The following TENM3 variants were observed in gnomAD, a reference collection of about 807,000 sequenced individuals.
The protein encoded by TENM3 is teneurin-3.
A neutral mutation model predicts 255.1 loss-of-function variants in TENM3; 63 were observed. The observed-to-expected ratio is 0.25, with a 90% CI of 0.20 to 0.30. The LOEUF (loss-of-function observed/expected upper bound fraction) is 0.30. TENM3 is among the 10% of genes least tolerant of loss of function. TENM3 has a pLI of 1.00. For synonymous variants in TENM3, 1,306 were observed against 1,322.3 expected, an observed-to-expected ratio of 0.99 and a Z score of 0.27; for missense variants, 2,929 against 3,461.1, an observed-to-expected ratio of 0.85 and a Z score of 3.86.
intron 20 of TENM3, among the ~76,000 whole-genome samples, chr4:182,752,528 G>C: frequency 2.7e-4 from 1 of 3,718 alleles, no homozygotes; most frequent in African/African-American, 2.9e-4. Context: ...GAGGTAACAG[G>C]GCTAAAAAAA....
At chr4:182,658,498 C>T (rs554288955) in intron 6 of TENM3, among the ~76,000 whole-genome samples, 1 of 152,316 alleles carries the variant, frequency 6.6e-6, no homozygotes, top group South Asian at 2.1e-4. Context: ...ATTTTGTAGA[C>T]AGTGGTGGTA....
At chr4:182,029,324 A>C in the TENM3 span, among the ~76,000 whole-genome samples, 4 of 152,086 alleles carry the variant, frequency 2.6e-5, no homozygotes, top group Non-Finnish European at 5.9e-5. Context: ...TGGGAAATAC[A>C]TTTCAATACC....
chr4:181,554,201 A>C, the TENM3 span, among the ~76,000 whole-genome samples: 6 of 152,190 alleles, frequency 3.9e-5, no homozygotes, highest in African/African-American at 1.4e-4. Context: ...TTACGTAATT[A>C]CTAGAATAGA....
the TENM3 span, among the ~76,000 whole-genome samples, chr4:181,870,287 C>G: frequency 6.6e-6 from 1 of 152,032 alleles, no homozygotes; most frequent in Non-Finnish European, 1.5e-5. Flanking sequence ...CTATTATGAA[C>G]GTTGTTGTAG....
intron 1 of TENM3, among the ~76,000 whole-genome samples, chr4:182,233,440 A>C (rs1393663216): frequency 6.6e-6 from 1 of 152,218 alleles, no homozygotes; most frequent in Non-Finnish European, 1.5e-5. Flanking sequence ...AAATTCCTAC[A>C]AGACTGCCTC....
chr4:182,258,304 A>T (rs1350227831), intron 1 of TENM3, among the ~76,000 whole-genome samples: 1 of 152,220 alleles, frequency 6.6e-6, no homozygotes, highest in East Asian at 1.9e-4. Context: ...TCACCAAACA[A>T]TTTATATGAA....
the TENM3 span, among the ~76,000 whole-genome samples, chr4:181,818,743 A>G: frequency 1.3e-3 from 193 of 151,666 alleles, 5 homozygotes; most frequent in East Asian, 0.029. Flanking sequence ...CTGAGTAGCC[A>G]GGATTACAGG....
At chr4:181,739,310 G>A in the TENM3 span, among the ~76,000 whole-genome samples, 2 of 152,318 alleles carry the variant, frequency 1.3e-5, 1 homozygote, top group South Asian at 4.1e-4. Context: ...GTTTAAGAAT[G>A]AAGCTCCCCC....
intron 1 of TENM3, among the ~76,000 whole-genome samples, chr4:182,309,580 A>G (rs554563778): frequency 6.6e-6 from 1 of 152,352 alleles, no homozygotes; most frequent in South Asian, 2.1e-4. Flanking sequence ...TTTGGATAAC[A>G]TTAGACATGA....
At chr4:182,434,120 A>G (rs1771870296) in intron 3 of TENM3, among the ~76,000 whole-genome samples, 1 of 150,514 alleles carries the variant, frequency 6.6e-6, no homozygotes, top group Non-Finnish European at 1.5e-5. Flanking sequence ...CCTCCATTAA[A>G]AAAAAAAAAG....
Position 182,754,602 on chromosome 4 carries a change from A to T in TENM3, c.4235A>T (p.Tyr1412Phe). 6.2e-7 allele frequency: 1 copy of T among 1,614,016 alleles called. No homozygotes were observed. The highest frequency in any genetic ancestry group is 1.1e-5 in the South Asian group (1 of 91,078). The change falls in exon 22 of 28, where the codon TAC (tyrosine) becomes TTC (phenylalanine). Residue 1412 changes from tyrosine (Y) to phenylalanine (F), a missense_variant. Physicochemically the swap from Tyr to Phe is conservative, Grantham distance 22 (BLOSUM62 3). Coordinates refer to ENST00000511685, the MANE Select transcript of TENM3 (RefSeq NM_001080477.4). This position sits in a 1 kb window ranked among gnomAD's most constrained non-coding sequence, Gnocchi z 5.1. ...LESATAIAVS[Y>F]SGVLYITETD... is the part of the protein sequence containing the mutation. Reference sequence around the variant, plus strand: ...TCAGCCACTGCCATTGCTGTGTCCTACAGTGGGGTCCTGTACATTACTGAA... The same window carrying T: ...TCAGCCACTGCCATTGCTGTGTCCTTCAGTGGGGTCCTGTACATTACTGAA...
chr4:182,365,644 C>T lies in TENM3; in HGVS notation c.511+18715C>T, dbSNP rs114307098. 9.9e-3 allele frequency among the ~76,000 whole-genome samples: 1,514 copies of T among 152,244 alleles called. 9 individuals are homozygous for T. Among genetic ancestry groups the T allele is most frequent in the East Asian group, 0.016 (85 of 5,178 alleles). On this transcript the variant is annotated intron_variant, in intron 3 of 27. Transcript: ENST00000511685. ...GAGTAAATGAAAAACATAAAGCAGG[C>T]GATAAATAGCACTGGGAGGTAAATC...
chr4:182,383,827 G>A (rs976629762), intron 3 of TENM3, among the ~76,000 whole-genome samples: 2 of 152,130 alleles, frequency 1.3e-5, no homozygotes, highest in African/African-American at 4.8e-5. Flanking sequence ...ATGGAACAGA[G>A]GAGGAAACCC....
chr4:182,681,344 T>G (rs1391767044), intron 10 of TENM3, among the ~76,000 whole-genome samples: 1 of 152,188 alleles, frequency 6.6e-6, no homozygotes, highest in East Asian at 1.9e-4. Context: ...AAGTGTAAAG[T>G]TTTATTGAGT....
At chr4:182,295,811 C>T (rs778899202) in intron 1 of TENM3, among the ~76,000 whole-genome samples, 28 of 152,078 alleles carry the variant, frequency 1.8e-4, no homozygotes, top group Non-Finnish European at 3.2e-4. Flanking sequence ...CTGGATAACG[C>T]ATTCACAAGG....
the TENM3 span, among the ~76,000 whole-genome samples, chr4:181,921,901 A>T: frequency 1.3e-5 from 2 of 151,978 alleles, no homozygotes; most frequent in Admixed American, 6.6e-5. Context: ...TATTTTGAGA[A>T]ACGTCCCATC....
At chr4:181,969,613 A>G in the TENM3 span, among the ~76,000 whole-genome samples, 1 of 152,336 alleles carries the variant, frequency 6.6e-6, no homozygotes, top group Non-Finnish European at 1.5e-5. Flanking sequence ...AACAAATGCA[A>G]ATGAGTTCAG....
intron 4 of TENM3, 46 bp downstream of exon 4, chr4:182,601,207 C>G (rs1165352800): frequency 6.8e-7 from 1 of 1,470,758 alleles, no homozygotes; most frequent in South Asian, 1.1e-5. Context: ...CCTTTTCTCA[C>G]CAGGAGCAAT....
At chr4:181,939,410 C>T in the TENM3 span, among the ~76,000 whole-genome samples, 2 of 152,136 alleles carry the variant, frequency 1.3e-5, no homozygotes, top group Non-Finnish European at 2.9e-5. Context: ...GAGTGATGTC[C>T]TCCATGGGAA....
Sources: gnomAD v4.1 joint callset for allele counts (sites outside exome capture counted in the v4.1 genomes callset) on GRCh38, gnomAD v4.1.1 for gene constraint, Gnocchi (gnomAD v3.1) non-coding constraint, MANE v1.5 for transcripts, NCBI Gene and HGNC (gene_info 2026-07-23, HGNC 2026-07-21) for gene names.